Variants in PNPLA7 observed in about 807,000 individuals in gnomAD.
PNPLA7 encodes patatin like domain 7, lysophospholipase, also known as patatin-like phospholipase domain-containing protein 7.
A neutral mutation model predicts 161.7 loss-of-function variants in PNPLA7; 153 were observed. That is an observed-to-expected ratio of 0.95 (90% CI 0.83 to 1.08). The LOEUF (loss-of-function observed/expected upper bound fraction) is 1.08. Ranked by LOEUF, PNPLA7 falls within the 50% of genes least tolerant of loss-of-function variation. The probability of loss-of-function intolerance (pLI) is 0.00; values close to 1 mark genes in which losing one functional copy is unlikely to be tolerated. For missense variants in PNPLA7, 1,739 were observed against 1,856.6 expected (o/e 0.94, Z 1.16); for synonymous variants, 809 against 782.1 (o/e 1.03, Z -0.57).
rs1836569646 is a variant in PNPLA7, at chr9:137,547,053, TGA to T, written c.194-146_194-145del. ...ACAGCATGAGGGAAGAGGGCCTGAG[TGA>T]CAGGCTCATCTCCAACAAAGGGGGC... On this transcript the variant is annotated intron_variant, in intron 3 of 34. Coordinates refer to ENST00000406427, the MANE Select transcript of PNPLA7 (RefSeq NM_001098537.3). The surrounding 1 kb of genome is among the most constrained non-coding windows in gnomAD (Gnocchi z 4.6). The T allele has an allele frequency of 3.7e-6, 3 of 801,528 alleles. No individual in the cohort carries two copies. The highest frequency in any genetic ancestry group is 4.0e-6 in the Non-Finnish European group (2 of 494,126). The allele number at this position is 801,528 out of a possible 1,614,324, so 49.7% of individuals were successfully genotyped here.
At chr9:137,504,026 G>C (rs968111145) in intron 14 of PNPLA7, among the ~76,000 whole-genome samples, 4 of 52,216 alleles carry the variant, frequency 7.7e-5, no homozygotes, top group African/African-American at 2.8e-4. Context: ...GAAGAAGAAG[G>C]AGGAGGAAGG....
In PNPLA7 at chr9:137,486,560, G is replaced by T. The variant is rs1485318058; in HGVS notation, c.2198-1824C>A. On this transcript the variant is annotated intron_variant, in intron 20 of 34. Coordinates refer to ENST00000406427, the MANE Select transcript of PNPLA7 (RefSeq NM_001098537.3). The surrounding 1 kb of genome is among the most constrained non-coding windows in gnomAD (Gnocchi z 6.0). ...AATGATGCTGCCCATCCCACATCCC[G>T]AATGAGTGTCCAAGACTCACACAGC... Among the ~76,000 whole-genome samples the T allele has an allele frequency of 2.6e-5, 4 of 152,042 alleles. No homozygotes were observed. Among genetic ancestry groups the T allele is most frequent in the Non-Finnish European group, 5.9e-5 (4 of 67,988 alleles).
rs761141770 is a variant in PNPLA7 at position 137,498,116 on chromosome 9, G to A, written c.1887C>T (p.Tyr629=). Residue 629 remains tyrosine (Y), a splice_region_variant and synonymous_variant, in exon 17 of 35, where the codon TAC becomes TAT. Coordinates refer to ENST00000406427, the MANE Select transcript of PNPLA7 (RefSeq NM_001098537.3). ...GTGTGTGGCACCCACGGCCTCACCTGTATATTGCTCGCCCGGCCTCCACCT... is the reference window on the plus strand; with the variant it reads ...GTGTGTGGCACCCACGGCCTCACCTATATATTGCTCGCCCGGCCTCCACCT... The part of the protein sequence containing the change: ...WVEVEAGRAI[Y]RQGDKSDCTY... 7 of 1,612,956 alleles carry A rather than the reference G, an allele frequency of 4.3e-6. No individual in the cohort carries two copies. Among genetic ancestry groups the A allele is most frequent in the East Asian group, 4.5e-5 (2 of 44,884 alleles).
Position 137,543,612 on chromosome 9 carries a change from G to T in PNPLA7, c.366-40C>A. ...CACACTAGCCTTGAGCAGACCAGGC[G>T]GGTTCGAAACCCACAGCATCAGTGG... On this transcript the variant is annotated intron_variant, in intron 5 of 34. Coordinates refer to ENST00000406427, the MANE Select transcript of PNPLA7 (RefSeq NM_001098537.3). The surrounding 1 kb of genome is among the most constrained non-coding windows in gnomAD (Gnocchi z 6.9). 1 of 1,606,022 alleles carries T rather than the reference G, an allele frequency of 6.2e-7. No individual in the cohort carries two copies. Among genetic ancestry groups the T allele is most frequent in the Non-Finnish European group, 8.5e-7 (1 of 1,175,448 alleles).
chr9:137,522,434 C>A (rs557405436), intron 9 of PNPLA7, among the ~76,000 whole-genome samples: 263 of 152,258 alleles, frequency 1.7e-3, no homozygotes, highest in Non-Finnish European at 2.7e-3. Context: ...TCGTGATCCG[C>A]CCGCCTCGGC....
chr9:137,492,573 G>C (rs1323631265), intron 20 of PNPLA7, among the ~76,000 whole-genome samples: 10 of 144,456 alleles, frequency 6.9e-5, no homozygotes, highest in African/African-American at 2.6e-4. Flanking sequence ...CTCCAGCACA[G>C]GGCAGGGCCG....
intron 14 of PNPLA7, among the ~76,000 whole-genome samples, chr9:137,505,389 C>A (rs931231866): frequency 5.3e-5 from 8 of 152,178 alleles, no homozygotes; most frequent in African/African-American, 1.4e-4. Flanking sequence ...CTTTGGGACA[C>A]CCTGATGTCC....
intron 21 of PNPLA7, among the ~76,000 whole-genome samples, chr9:137,481,631 C>T (rs888342070): frequency 5.3e-5 from 8 of 152,282 alleles, no homozygotes; most frequent in African/African-American, 1.9e-4. Context: ...GACCCAGAGC[C>T]CCATGTGTGG....
chr9:137,481,286 G>C (rs950716926), intron 21 of PNPLA7, among the ~76,000 whole-genome samples: 7 of 152,212 alleles, frequency 4.6e-5, no homozygotes, highest in Non-Finnish European at 5.9e-5. Flanking sequence ...AGGAGGCCTC[G>C]GGTAGCCTCT....
chr9:137,503,787 AG>A (rs377218303), intron 14 of PNPLA7, among the ~76,000 whole-genome samples: 1 of 10,270 alleles, frequency 9.7e-5, no homozygotes, highest in Non-Finnish European at 1.6e-4. Flanking sequence ...AAGAAAGAAG[AG>A]AATGAAGAAG....
Position 137,505,980 on chromosome 9 carries a change from T to C in PNPLA7, c.1326+3A>G, listed in dbSNP as rs372921101. The C allele has an allele frequency of 6.2e-7, 1 of 1,606,764 alleles. No individual in the cohort carries two copies. Among genetic ancestry groups the C allele is most frequent in the Non-Finnish European group, 8.5e-7 (1 of 1,176,904 alleles). On this transcript the variant is annotated splice_donor_region_variant and intron_variant, in intron 13 of 34. Coordinates refer to ENST00000406427, the MANE Select transcript of PNPLA7 (RefSeq NM_001098537.3). ...GAGGGTGAGAATGACAGCCAGGGCC[T>C]ACCTTGCTGGCCACGGAGCTCCCGG...
At chr9:137,501,852 C>T (rs1285772766) in intron 14 of PNPLA7, 125 bp from the exon 15 acceptor site, 14 of 949,344 alleles carry the variant, frequency 1.5e-5, no homozygotes, top group Non-Finnish European at 1.9e-5. Context: ...CAAGGCCCTC[C>T]TCCGAGGCTG....
chr9:137,521,750 G>A lies in PNPLA7; in HGVS notation c.877-34C>T, dbSNP rs368708943. 134 of 1,592,512 alleles carry A rather than the reference G, an allele frequency of 8.4e-5. 1 individual carries two copies. In the South Asian group the frequency reaches 1.1e-3, roughly 13 times the overall value. On this transcript the variant is annotated intron_variant, in intron 9 of 34. Coordinates refer to ENST00000406427, the MANE Select transcript of PNPLA7 (RefSeq NM_001098537.3). ...ACACGCCAGCTGCGCGGTGACCACC[G>A]GCCTGGGGTACAGGGCGGGCCCCCG... is the stretch of plus-strand genomic sequence containing the variant.
intron 29 of PNPLA7, 197 bp from the exon 30 acceptor site, chr9:137,463,030 G>C: frequency 1.3e-6 from 1 of 751,040 alleles, no homozygotes; most frequent in Non-Finnish European, 2.1e-6. Context: ...GGGCCTTTCT[G>C]ACCGTATATC....
Position 137,523,085 on chromosome 9 carries a change from G to A in PNPLA7, c.748-228C>T, listed in dbSNP as rs1009618003. Among the ~76,000 whole-genome samples, 5 of 152,192 alleles carry A rather than the reference G, an allele frequency of 3.3e-5. No individual in the cohort carries two copies. The stretch of plus-strand genomic sequence containing the variant: ...AAGGACTGGCTGACGATGAAATGTG[G>A]GTGAGGGGAGGCCCGCAGGCAGCCA... On this transcript the variant is annotated intron_variant, in intron 8 of 34. Coordinates refer to ENST00000406427, the MANE Select transcript of PNPLA7 (RefSeq NM_001098537.3). This position sits in a 1 kb window ranked among gnomAD's most constrained non-coding sequence, Gnocchi z 4.4.
Position 137,506,096 on chromosome 9 carries a change from G to A in PNPLA7, c.1226-13C>T. On this transcript the variant is annotated splice_polypyrimidine_tract_variant and intron_variant, in intron 12 of 34. Coordinates refer to ENST00000406427, the MANE Select transcript of PNPLA7 (RefSeq NM_001098537.3). ...CTGCCTGGGCCCCCTACACACAGAG[G>A]GGACACTCAGGACACGGTTCGCTAG... 3 of 1,604,746 alleles carry A rather than the reference G, an allele frequency of 1.9e-6. No homozygotes were observed. The highest frequency in any genetic ancestry group is 2.2e-5 in the South Asian group (2 of 89,638).
Position 137,497,330 on chromosome 9 carries a change from C to T in PNPLA7, c.1890-20G>A, listed in dbSNP as rs1200144134. 1.3e-6 allele frequency: 2 copies of T among 1,522,894 alleles called. No individual in the cohort carries two copies. The highest frequency in any genetic ancestry group is 4.0e-5 in the Admixed American group (2 of 50,326). The allele number at this position is 1,522,894 out of a possible 1,614,324, so 94.3% of individuals were successfully genotyped here. ...CCCTGCCTGCGGAAGACACAGAGGC[C>T]CTGCAGCCCTGGGCCCCCAGCCTCA... is the stretch of plus-strand genomic sequence containing the variant. On this transcript the variant is annotated intron_variant, in intron 17 of 34. Coordinates refer to ENST00000406427, the MANE Select transcript of PNPLA7 (RefSeq NM_001098537.3).
rs1340008623 is a variant in PNPLA7 at position 137,547,340 on chromosome 9, G to T, written c.162C>A (p.Ile54=). 6.2e-7 allele frequency: 1 copy of T among 1,613,584 alleles called. No individual in the cohort carries two copies. Among genetic ancestry groups the T allele is most frequent in the Admixed American group, 1.7e-5 (1 of 60,028 alleles). Residue 54 remains isoleucine (I), a synonymous_variant, in exon 3 of 35, where the codon ATC becomes ATA. Transcript: ENST00000406427. This position sits in a 1 kb window ranked among gnomAD's most constrained non-coding sequence, Gnocchi z 4.6. ...GTCTAAGCCTTCTGAACATGAAAAGGATGAGGACACCAACCAAGGCCAGGG... is the reference window on the plus strand; with the variant it reads ...GTCTAAGCCTTCTGAACATGAAAAGTATGAGGACACCAACCAAGGCCAGGG... The part of the protein sequence containing the change: ...LLALALVGVL[I]LFMFRRLRQF...
At position 137,519,920 on chromosome 9, in the gene PNPLA7, A is replaced by C. The variant is rs140104316; in HGVS notation, c.1081T>G (p.Ser361Ala). ...CCTCCTTGGTGCAGGACAGTACCTG[A>C]GTCACAGGACTCCTGGAGCCGCGGT... ...KPPRLQESCD[S>A]DHGGGRPAAA... Residue 361 changes from serine to alanine, a missense_variant, in exon 11 of 35, where the codon TCA becomes GCA. By Grantham distance (99) the Ser-to-Ala change is moderately conservative. Around this residue, in one of 6 missense-constraint regions of PNPLA7, gnomAD observed 481 missense variants for 450.0 expected, o/e 1.07. Coordinates refer to ENST00000406427, the MANE Select transcript of PNPLA7 (RefSeq NM_001098537.3). 30 of 1,611,950 alleles carry C rather than the reference A, an allele frequency of 1.9e-5. No individual in the cohort carries two copies. In the South Asian group the frequency reaches 3.0e-4, roughly 16 times the overall value.
Sources: gnomAD v4.1 joint callset for allele counts (sites outside exome capture counted in the v4.1 genomes callset) on GRCh38, gnomAD v4.1.1 for gene constraint, gnomAD v4.1.1 regional missense constraint, Gnocchi (gnomAD v3.1) non-coding constraint, MANE v1.5 for transcripts, NCBI Gene and HGNC (gene_info 2026-07-23, HGNC 2026-07-21) for gene names.